The following MYH10 variants were observed in gnomAD, a reference collection of about 807,000 sequenced individuals.
MYH10 encodes the protein myosin-10.
MYH10 carries 55 observed loss-of-function variants against 257.8 expected under a neutral mutation model. The observed-to-expected ratio is 0.21, with a 90% CI of 0.17 to 0.27. MYH10 has a LOEUF of 0.27. Among genes scored for constraint, MYH10 ranks in the 10% least tolerant of loss-of-function variants. The probability of loss-of-function intolerance (pLI) is 1.00; values close to 1 mark genes in which losing one functional copy is unlikely to be tolerated. For missense variants in MYH10, 1,631 were observed against 2,500.6 expected (o/e 0.65, Z 7.42); for synonymous variants, 854 against 921.7 (o/e 0.93, Z 1.33).
chr17:8,490,527 C>G lies in MYH10; in HGVS notation c.4697G>C (p.Arg1566Pro). Residue 1566 changes from arginine to proline, a missense_variant, in exon 35 of 43, where the codon CGG becomes CCG. Around this residue, in one of 11 missense-constraint regions of MYH10, gnomAD observed 463 missense variants for 621.8 expected, o/e 0.74. Coordinates refer to ENST00000360416, the MANE Select transcript of MYH10 (RefSeq NM_001256012.3). This position sits in a 1 kb window ranked among gnomAD's most constrained non-coding sequence, Gnocchi z 4.1. Reference protein sequence around the residue: ...KNVHELEKSKRALEQQVEEMR... With the variant: ...KNVHELEKSKPALEQQVEEMR... ...TTCCTCCACCTGCTGCTCTAGGGCCCGTTTGGATTTTTCAAGTTCGTGAAC... is the reference window on the plus strand; with the variant it reads ...TTCCTCCACCTGCTGCTCTAGGGCCGGTTTGGATTTTTCAAGTTCGTGAAC... 1 of 1,614,148 alleles carries G rather than the reference C, an allele frequency of 6.2e-7. No homozygotes were observed. The highest frequency in any genetic ancestry group is 8.5e-7 in the Non-Finnish European group (1 of 1,180,006).
chr17:8,517,574 T>C lies in MYH10; in HGVS notation c.2504+1057A>G, dbSNP rs567611074. Among the ~76,000 whole-genome samples, 95 of 152,370 alleles carry C rather than the reference T, an allele frequency of 6.2e-4. 1 individual carries two copies. The highest frequency in any genetic ancestry group is 2.2e-3 in the African/African-American group (90 of 41,596). On this transcript the variant is annotated intron_variant, in intron 21 of 42. Coordinates refer to ENST00000360416, the MANE Select transcript of MYH10 (RefSeq NM_001256012.3). Reference sequence around the variant, plus strand: ...TCAGTTCTAAGTCCTTTGAATTCTATCTCAAATTTAACAACTTTTCTCTCG... The same window carrying C: ...TCAGTTCTAAGTCCTTTGAATTCTACCTCAAATTTAACAACTTTTCTCTCG...
intron 4 of MYH10, among the ~76,000 whole-genome samples, chr17:8,587,113 A>G (rs911438306): frequency 2.0e-5 from 3 of 152,164 alleles, no homozygotes; most frequent in Non-Finnish European, 4.4e-5. Flanking sequence ...CTGCCAGAGA[A>G]AGAGACACCA....
chr17:8,602,698 A>T (rs1220169066), intron 3 of MYH10, among the ~76,000 whole-genome samples: 1 of 152,138 alleles, frequency 6.6e-6, no homozygotes, highest in South Asian at 2.1e-4. Context: ...TTTCACATGG[A>T]GGTTTATTAT....
chr17:8,561,657 A>G (rs1194081020), intron 7 of MYH10: 4 of 650,796 alleles, frequency 6.1e-6, no homozygotes, highest in Non-Finnish European at 1.1e-5. Flanking sequence ...AAAAAAAAAA[A>G]AAGATTTGGG....
intron 4 of MYH10, among the ~76,000 whole-genome samples, chr17:8,578,112 C>A (rs1269818281): frequency 6.6e-6 from 1 of 152,162 alleles, no homozygotes; most frequent in Non-Finnish European, 1.5e-5. Context: ...TTTCTCAGAT[C>A]CCCCTCTCAG....
At chr17:8,557,934 T>G (rs762766362) in intron 7 of MYH10, among the ~76,000 whole-genome samples, 1 of 152,164 alleles carries the variant, frequency 6.6e-6, no homozygotes, top group Non-Finnish European at 1.5e-5. Flanking sequence ...TAGATACTGA[T>G]TTTATGCCAT....
At chr17:8,514,000 G>T in intron 21 of MYH10, 106 bp from the exon 22 acceptor site, 1 of 947,846 alleles carries the variant, frequency 1.1e-6, no homozygotes, top group Non-Finnish European at 1.6e-6. Flanking sequence ...GTCTAGGATA[G>T]GGAATGATTG....
intron 7 of MYH10, among the ~76,000 whole-genome samples, chr17:8,565,806 T>C (rs2151993072): frequency 6.6e-6 from 1 of 152,364 alleles, no homozygotes; most frequent in East Asian, 1.9e-4. Context: ...AATCTAATTC[T>C]TCCTACCAGC....
chr17:8,513,573 C>T lies in MYH10; in HGVS notation c.2710G>A (p.Gly904Arg), dbSNP rs975055076. 1.2e-6 allele frequency: 2 copies of T among 1,614,026 alleles called. No homozygotes were observed. The highest frequency in any genetic ancestry group is 1.7e-6 in the Non-Finnish European group (2 of 1,179,994). Residue 904 changes from glycine (G) to arginine (R), a missense_variant, in exon 23 of 43, where the codon GGA (glycine) becomes AGA (arginine). Coordinates refer to ENST00000360416, the MANE Select transcript of MYH10 (RefSeq NM_001256012.3). ...KVKEKQTKVEGELEEMERKHQ... is the reference protein window; with the variant it reads ...KVKEKQTKVERELEEMERKHQ... The stretch of plus-strand genomic sequence containing the variant: ...TTCCGCTCCATCTCCTCCAGCTCTC[C>T]TTCCACCTTCGTCTGCTTCTCCTTC...
chr17:8,627,364 C>T (rs1342724436), intron 1 of MYH10, among the ~76,000 whole-genome samples: 1 of 152,190 alleles, frequency 6.6e-6, no homozygotes, highest in Non-Finnish European at 1.5e-5. Context: ...TGAAATTCAA[C>T]TTCTCCACAA....
At position 8,571,822 on chromosome 17, in the gene MYH10, A is replaced by AC. The variant is rs201693031; in HGVS notation, c.664-2011dup. 1.1e-3 allele frequency among the ~76,000 whole-genome samples: 161 copies of AC among 150,564 alleles called. 2 individuals are homozygous for AC. The highest frequency in any genetic ancestry group is 1.5e-3 in the Non-Finnish European group (100 of 67,650). On this transcript the variant is annotated intron_variant, in intron 6 of 42. Transcript: ENST00000360416. ...ATTCGGTGATAGACTGCCTTCCTCC[A>AC]CCCCCCCGGGGTCAGCAGTCAGTTC...
intron 38 of MYH10, 45 bp from the exon 39 acceptor site, chr17:8,480,570 C>T (rs1257199953): frequency 3.1e-6 from 5 of 1,598,702 alleles, no homozygotes; most frequent in Non-Finnish European, 4.2e-6. Flanking sequence ...CAGCTCAGCA[C>T]AGCACAGGAG....
chr17:8,494,838 G>T (rs1397737151), intron 31 of MYH10, among the ~76,000 whole-genome samples: 1 of 152,222 alleles, frequency 6.6e-6, no homozygotes, highest in Non-Finnish European at 1.5e-5. Flanking sequence ...AAGACATTGT[G>T]TGCAGCAGGA....
At chr17:8,521,535 C>T (rs528484625) in intron 17 of MYH10, 8 of 486,922 alleles carry the variant, frequency 1.6e-5, no homozygotes, top group South Asian at 1.1e-4. Context: ...CCTTCCGCTG[C>T]GCTAGTTTCA....
chr17:8,561,519 C>T, intron 7 of MYH10: 2 of 1,444,164 alleles, frequency 1.4e-6, no homozygotes, highest in Non-Finnish European at 9.6e-7. Flanking sequence ...ACCGAACACC[C>T]CCACCCCGAT....
intron 16 of MYH10, among the ~76,000 whole-genome samples, chr17:8,534,382 C>T (rs1221081850): frequency 1.3e-5 from 2 of 152,112 alleles, no homozygotes; most frequent in Non-Finnish European, 2.9e-5. Flanking sequence ...TTCAGTGCAT[C>T]CCCCCCTGCA....
chr17:8,512,343 C>A, intron 24 of MYH10, 108 bp downstream of exon 24: 1 of 847,934 alleles, frequency 1.2e-6, no homozygotes, highest in South Asian at 1.9e-5. Flanking sequence ...ACCCAGAACC[C>A]TTTTGCTTCT....
Position 8,504,637 on chromosome 17 carries a change from C to A in MYH10, c.3599+57G>T. ...AGCAAGCACACCAGGCATTTCTGCACGGGCTCGGTGGAGAGGTCGGCAGGC... is the reference window on the plus strand; with the variant it reads ...AGCAAGCACACCAGGCATTTCTGCAAGGGCTCGGTGGAGAGGTCGGCAGGC... On this transcript the variant is annotated intron_variant, in intron 28 of 42. Transcript: ENST00000360416. The surrounding 1 kb of genome is among the most constrained non-coding windows in gnomAD (Gnocchi z 5.6). 4.7e-6 allele frequency: 7 copies of A among 1,490,140 alleles called. No homozygotes were observed. The highest frequency in any genetic ancestry group is 2.4e-4 in the Middle Eastern group (1 of 4,234). 92.3% of individuals were successfully genotyped at this position (1,490,140 alleles called of 1,614,324 possible). A position where few individuals can be genotyped will look rare whatever the true frequency, so the allele number is the denominator to read the frequency against.
At chr17:8,567,299 G>A (rs1423030153) in intron 7 of MYH10, among the ~76,000 whole-genome samples, 1 of 152,156 alleles carries the variant, frequency 6.6e-6, no homozygotes, top group Non-Finnish European at 1.5e-5. Flanking sequence ...AGGCACATTT[G>A]TTAACCCACT....
Sources: allele counts gnomAD v4.1 joint callset (sites outside exome capture counted in the v4.1 genomes callset), GRCh38; gene constraint gnomAD v4.1.1; regional missense constraint gnomAD v4.1.1; non-coding constraint Gnocchi (gnomAD v3.1); transcripts MANE v1.5; gene names NCBI Gene and HGNC (gene_info 2026-07-23, HGNC 2026-07-21).